RIPOR2: variants seen among roughly 807,000 people sequenced by gnomAD.
RIPOR2 encodes the protein RHO family interacting cell polarization regulator 2.
Under a neutral mutation model 114.5 loss-of-function variants are expected in RIPOR2, and 39 were observed. The ratio of observed to expected loss-of-function variants is 0.34; its 90% CI spans 0.26 to 0.44. The LOEUF (loss-of-function observed/expected upper bound fraction) is 0.44. Ranked by LOEUF, RIPOR2 falls within the 20% of genes least tolerant of loss-of-function variation. The pLI, the probability that RIPOR2 is intolerant of heterozygous loss-of-function variation, is 1.00. For synonymous variants in RIPOR2, 445 were observed against 484.4 expected, an observed-to-expected ratio of 0.92 and a Z score of 1.07; for missense variants, 1,007 against 1,255.1, an observed-to-expected ratio of 0.80 and a Z score of 2.99.
chr6:24,938,389 T>C (rs1330542581), upstream of RIPOR2, among the ~76,000 whole-genome samples: 1 of 152,204 alleles, frequency 6.6e-6, no homozygotes, highest in African/African-American at 2.4e-5. Flanking sequence ...GACCTTGGAC[T>C]TCTAGCCTCC....
chr6:25,027,141 A>G (rs1018596941), intron 1 of RIPOR2, among the ~76,000 whole-genome samples: 4 of 152,252 alleles, frequency 2.6e-5, no homozygotes, highest in African/African-American at 9.6e-5. Context: ...TATTTTTAAA[A>G]TAATAATAAA....
intron 1 of RIPOR2, among the ~76,000 whole-genome samples, chr6:25,018,955 A>G (rs897853364): frequency 5.3e-5 from 8 of 152,292 alleles, no homozygotes; most frequent in Non-Finnish European, 1.0e-4. Flanking sequence ...TATAAGTTTT[A>G]TTGTTACTCA....
At chr6:24,846,014 C>T (rs1213165696) in intron 12 of RIPOR2, among the ~76,000 whole-genome samples, 1 of 152,058 alleles carries the variant, frequency 6.6e-6, no homozygotes, top group African/African-American at 2.4e-5. Flanking sequence ...GCTCTGAGGA[C>T]CTTTGCATTT....
Position 24,858,779 on chromosome 6 carries a change from G to A in RIPOR2, c.715+2194C>T, listed in dbSNP as rs1267607937. Reference sequence around the variant, plus strand: ...GAGAGGAGGAGATGGAGGAGCAGGAGCAACAGCAAGTTCATCAGTCCATCA... The same window carrying A: ...GAGAGGAGGAGATGGAGGAGCAGGAACAACAGCAAGTTCATCAGTCCATCA... On this transcript the variant is annotated intron_variant, in intron 8 of 21. Transcript: ENST00000643898. The surrounding 1 kb of genome is among the most constrained non-coding windows in gnomAD (Gnocchi z 4.0). Among the ~76,000 whole-genome samples, 1 of 152,140 alleles carries A rather than the reference G, an allele frequency of 6.6e-6. No homozygotes were observed. Among genetic ancestry groups the A allele is most frequent in the Non-Finnish European group, 1.5e-5 (1 of 68,018 alleles).
upstream of RIPOR2, among the ~76,000 whole-genome samples, chr6:24,937,020 T>C (rs1024100639): frequency 2.6e-5 from 4 of 152,154 alleles, no homozygotes; most frequent in South Asian, 2.1e-4. Context: ...CACCATTTTC[T>C]CCCAGAAGAG....
At chr6:25,002,654 A>G (rs1229008273) in intron 1 of RIPOR2, among the ~76,000 whole-genome samples, 1 of 152,240 alleles carries the variant, frequency 6.6e-6, no homozygotes, top group African/African-American at 2.4e-5. Context: ...GATATACAAC[A>G]TGTTATTTCT....
intron 1 of RIPOR2, among the ~76,000 whole-genome samples, chr6:24,960,021 C>T (rs142731277): frequency 2.4e-4 from 37 of 152,252 alleles, no homozygotes; most frequent in African/African-American, 8.7e-4. Context: ...TAAGTCTAAA[C>T]GTGTTACAAG....
intron 1 of RIPOR2, among the ~76,000 whole-genome samples, chr6:24,959,260 G>C (rs772978223): frequency 6.6e-6 from 1 of 152,116 alleles, no homozygotes; most frequent in East Asian, 1.9e-4. Flanking sequence ...AGGTACCAAA[G>C]GTTAGGACTT....
At chr6:24,850,480 G>T (rs112696984) in intron 10 of RIPOR2, 117 bp downstream of exon 10, 4 of 1,060,070 alleles carry the variant, frequency 3.8e-6, no homozygotes, top group South Asian at 1.4e-5. Flanking sequence ...TAATAGACTT[G>T]TGCAGAAAAG....
At chr6:25,026,879 A>G (rs1206496581) in intron 1 of RIPOR2, among the ~76,000 whole-genome samples, 1 of 152,172 alleles carries the variant, frequency 6.6e-6, no homozygotes, top group Non-Finnish European at 1.5e-5. Context: ...TCCAGTGGAG[A>G]GGAGGCTGAG....
At chr6:24,905,006 C>G (rs1768826927) in intron 1 of RIPOR2, among the ~76,000 whole-genome samples, 1 of 152,116 alleles carries the variant, frequency 6.6e-6, no homozygotes, top group African/African-American at 2.4e-5. Flanking sequence ...AACCCCTGAC[C>G]TCCAATGATC....
At chr6:24,824,722 C>G (rs936026537) in intron 19 of RIPOR2, among the ~76,000 whole-genome samples, 5 of 152,184 alleles carry the variant, frequency 3.3e-5, no homozygotes, top group Non-Finnish European at 7.3e-5. Flanking sequence ...CCAAACTGCT[C>G]ATAAGACATG....
intron 13 of RIPOR2, chr6:24,839,550 G>A (rs1191623044): frequency 2.1e-6 from 3 of 1,420,486 alleles, no homozygotes; most frequent in African/African-American, 1.4e-5. Flanking sequence ...GATCACTGAG[G>A]AGGTTGAGGG....
At chr6:24,856,381 A>G (rs558194504) in intron 8 of RIPOR2, among the ~76,000 whole-genome samples, 28 of 152,368 alleles carry the variant, frequency 1.8e-4, no homozygotes, top group African/African-American at 5.8e-4. Flanking sequence ...TACTTCTGAA[A>G]GAAAGTATAA....
intron 1 of RIPOR2, among the ~76,000 whole-genome samples, chr6:24,892,087 G>C (rs2113973968): frequency 6.6e-6 from 1 of 152,180 alleles, no homozygotes; most frequent in African/African-American, 2.4e-5. Flanking sequence ...TTGAACTCCT[G>C]ACCTCAAGTG....
intron 10 of RIPOR2, 56 bp downstream of exon 10, chr6:24,850,540 CA>C: frequency 1.2e-6 from 2 of 1,606,052 alleles, no homozygotes; most frequent in South Asian, 2.2e-5. Context: ...AGGGCCCCAC[CA>C]ATGGATCATC....
rs1366442771 is a variant in RIPOR2 at position 24,843,258 on chromosome 6, G to A, written c.1461C>T (p.Pro487=). 6.2e-7 allele frequency: 1 copy of A among 1,613,968 alleles called. No individual in the cohort carries two copies. The highest frequency in any genetic ancestry group is 8.5e-7 in the Non-Finnish European group (1 of 1,179,876). ...CAGATGGGGCCGAGGCAGGTTTTCT[G>A]GGCTCCTCTGGGTCTTCCTCCTTCA... ...SHLKEEDPEE[P]RKPASAPSEA... The change falls in exon 13 of 22, where the codon CCC becomes CCT. Residue 487 remains proline (P), a synonymous_variant. Coordinates refer to ENST00000643898, the MANE Select transcript of RIPOR2 (RefSeq NM_001286445.3).
chr6:24,958,257 T>C (rs1773136411), intron 1 of RIPOR2, among the ~76,000 whole-genome samples: 2 of 152,212 alleles, frequency 1.3e-5, no homozygotes, highest in Admixed American at 6.5e-5. Context: ...AATGTTGACA[T>C]GTGCAAAGCA....
intron 16 of RIPOR2, among the ~76,000 whole-genome samples, chr6:24,831,532 C>G (rs1760692155): frequency 6.6e-6 from 1 of 152,170 alleles, no homozygotes; most frequent in Admixed American, 6.5e-5. Flanking sequence ...ACAAGTCACT[C>G]ACAGCCTGAA....
Sources: allele counts gnomAD v4.1 joint callset (sites outside exome capture counted in the v4.1 genomes callset), GRCh38; gene constraint gnomAD v4.1.1; non-coding constraint Gnocchi (gnomAD v3.1); transcripts MANE v1.5; gene names NCBI Gene and HGNC (gene_info 2026-07-23, HGNC 2026-07-21).